HDAC9: variants seen among roughly 807,000 people sequenced by gnomAD.
HDAC9 encodes histone deacetylase 9, also known as MEF-2 interacting transcription repressor (MITR) protein.
A neutral mutation model predicts 139.4 loss-of-function variants in HDAC9; 41 were observed. The observed-to-expected ratio is 0.29, with a 90% CI of 0.23 to 0.38. The LOEUF is 0.38. Among genes scored for constraint, HDAC9 ranks in the 10% least tolerant of loss-of-function variants. The probability of loss-of-function intolerance (pLI) is 1.00; values close to 1 mark genes in which losing one functional copy is unlikely to be tolerated. For missense variants in HDAC9, 1,147 were observed against 1,297.0 expected (o/e 0.88, Z 1.78); for synonymous variants, 517 against 476.2 (o/e 1.09, Z -1.12).
At chr7:18,167,096 A>C (rs1022401695) in intron 2 of HDAC9, among the ~76,000 whole-genome samples, 2 of 152,236 alleles carry the variant, frequency 1.3e-5, no homozygotes, top group African/African-American at 4.8e-5. Context: ...ATAATAAAAC[A>C]AATTAGTTTT....
At chr7:18,677,554 C>G (rs539437528) in intron 12 of HDAC9, among the ~76,000 whole-genome samples, 1 of 151,874 alleles carries the variant, frequency 6.6e-6, no homozygotes, top group East Asian at 1.9e-4. Flanking sequence ...AGGAAGCTGC[C>G]AAATTATTTG....
At chr7:18,370,233 T>A (rs1784493482) in intron 1 of HDAC9, among the ~76,000 whole-genome samples, 1 of 152,196 alleles carries the variant, frequency 6.6e-6, no homozygotes, top group South Asian at 2.1e-4. Flanking sequence ...TCAGTGTGGT[T>A]CTAGTTAGAA....
At chr7:18,519,039 T>C (rs1478186387) in intron 2 of HDAC9, among the ~76,000 whole-genome samples, 1 of 152,352 alleles carries the variant, frequency 6.6e-6, no homozygotes, top group South Asian at 2.1e-4. Context: ...CTGTGGGCTC[T>C]AAGTGATTGA....
chr7:18,697,634 C>T (rs1223839887), intron 12 of HDAC9, among the ~76,000 whole-genome samples: 1 of 152,156 alleles, frequency 6.6e-6, no homozygotes, highest in African/African-American at 2.4e-5. Flanking sequence ...CTTTTAGACA[C>T]TGATATTCCT....
intron 2 of HDAC9, among the ~76,000 whole-genome samples, chr7:18,207,947 C>G (rs1791658008): frequency 6.6e-6 from 1 of 152,034 alleles, no homozygotes; most frequent in Non-Finnish European, 1.5e-5. Flanking sequence ...CTCCCGATCT[C>G]AGGTGATCTG....
At chr7:18,715,733 T>TAA (rs1039636717) in intron 12 of HDAC9, among the ~76,000 whole-genome samples, 1 of 152,212 alleles carries the variant, frequency 6.6e-6, no homozygotes, top group African/African-American at 2.4e-5. Flanking sequence ...CAGAGAAATC[T>TAA]AAAAGTTGTA....
At chr7:18,559,507 C>T (rs1158327648) in intron 2 of HDAC9, among the ~76,000 whole-genome samples, 1 of 152,112 alleles carries the variant, frequency 6.6e-6, no homozygotes, top group African/African-American at 2.4e-5. Flanking sequence ...CTGAACCATC[C>T]CTGAGGAGGA....
At chr7:18,959,327 A>T (rs1244210872) in intron 24 of HDAC9, among the ~76,000 whole-genome samples, 2 of 152,216 alleles carry the variant, frequency 1.3e-5, no homozygotes, top group East Asian at 3.8e-4. Flanking sequence ...CATGAGAACA[A>T]GTATAGAGCC....
At chr7:18,107,990 A>C (rs1254400942) in intron 1 of HDAC9, among the ~76,000 whole-genome samples, 8 of 152,250 alleles carry the variant, frequency 5.3e-5, no homozygotes, top group Non-Finnish European at 1.2e-4. Flanking sequence ...CAGGTAGTTT[A>C]CTAAGGAGGC....
chr7:18,367,229 A>G (rs1310866778), intron 1 of HDAC9, among the ~76,000 whole-genome samples: 1 of 152,086 alleles, frequency 6.6e-6, no homozygotes, highest in Non-Finnish European at 1.5e-5. Flanking sequence ...AGGGGTTGCA[A>G]ACTCAGATGC....
At chr7:18,174,831 AT>A (rs1217235148) in intron 2 of HDAC9, among the ~76,000 whole-genome samples, 1 of 152,054 alleles carries the variant, frequency 6.6e-6, no homozygotes, top group Non-Finnish European at 1.5e-5. Context: ...TGGAAACTTC[AT>A]CCCAGATGGG....
intron 6 of HDAC9, among the ~76,000 whole-genome samples, chr7:18,623,961 G>A (rs1316578883): frequency 6.6e-6 from 1 of 152,052 alleles, no homozygotes; most frequent in African/African-American, 2.4e-5. Context: ...AAAAGCATTG[G>A]GATGAGAGGT....
chr7:18,968,958 CAA>C (rs34379636), intron 24 of HDAC9, among the ~76,000 whole-genome samples: 94 of 45,174 alleles, frequency 2.1e-3, no homozygotes, highest in South Asian at 0.019. Flanking sequence ...GCCTCCCTCT[CAA>C]AAAAAAAAAA....
At chr7:18,966,986 C>T (rs955260309) in intron 24 of HDAC9, among the ~76,000 whole-genome samples, 1 of 152,154 alleles carries the variant, frequency 6.6e-6, no homozygotes, top group African/African-American at 2.4e-5. Flanking sequence ...AAAATGAGTG[C>T]TCTACTTCTG....
chr7:18,358,219 A>G (rs1268881701), intron 1 of HDAC9, among the ~76,000 whole-genome samples: 1 of 152,122 alleles, frequency 6.6e-6, no homozygotes, highest in Non-Finnish European at 1.5e-5. Context: ...AACAACAAAG[A>G]AGTTTAGAAG....
chr7:18,299,409 A>T (rs1447775724), intron 1 of HDAC9, among the ~76,000 whole-genome samples: 1 of 152,082 alleles, frequency 6.6e-6, no homozygotes, highest in Non-Finnish European at 1.5e-5. Context: ...ACATTTCAAG[A>T]TATATTTTTT....
chr7:18,554,784 C>G (rs1337027593), intron 2 of HDAC9, among the ~76,000 whole-genome samples: 1 of 152,168 alleles, frequency 6.6e-6, no homozygotes. Flanking sequence ...CATGAGCTTT[C>G]TCTCTTCTTA....
chr7:18,768,813 A>G lies in HDAC9; in HGVS notation c.2214+1658A>G, dbSNP rs56306227. ...CAATTTATGATTTTTTGATTTTATG[A>G]TGGTGCAAAAGTGTTATACATTCAG... On this transcript the variant is annotated intron_variant, in intron 16 of 25. Coordinates refer to ENST00000686413, the MANE Select transcript of HDAC9 (RefSeq NM_178425.4). 7.1e-3 allele frequency among the ~76,000 whole-genome samples: 1,075 copies of G among 152,258 alleles called. 8 individuals carry two copies. The highest frequency in any genetic ancestry group is 0.025 in the African/African-American group (1,021 of 41,556).
intron 2 of HDAC9, among the ~76,000 whole-genome samples, chr7:18,534,002 T>C (rs1364639089): frequency 1.3e-5 from 2 of 152,198 alleles, no homozygotes; most frequent in Non-Finnish European, 1.5e-5. Flanking sequence ...CTCTATTCGA[T>C]AGAGGCTATT....
Sources: allele counts gnomAD v4.1 joint callset (sites outside exome capture counted in the v4.1 genomes callset), GRCh38; gene constraint gnomAD v4.1.1; transcripts MANE v1.5; gene names NCBI Gene and HGNC (gene_info 2026-07-23, HGNC 2026-07-21).